Variants in TDRD1 observed in about 807,000 individuals in gnomAD.
TDRD1 encodes the protein tudor domain containing 1.
TDRD1 carries 37 observed loss-of-function variants against 140.6 expected under a neutral mutation model. The ratio of observed to expected loss-of-function variants is 0.26; its 90% CI spans 0.20 to 0.35. The LOEUF (loss-of-function observed/expected upper bound fraction) is 0.35, where lower values mean the gene tolerates loss of function less well. Ranked by LOEUF, TDRD1 falls within the 10% of genes least tolerant of loss-of-function variation. The pLI is 1.00. For missense variants in TDRD1, 1,243 were observed against 1,393.0 expected (o/e 0.89, Z 1.71); for synonymous variants, 506 against 475.7 (o/e 1.06, Z -0.83).
chr10:114,178,878 AAAAAC>A (rs1013446654), upstream of TDRD1, among the ~76,000 whole-genome samples: 1 of 152,248 alleles, frequency 6.6e-6, no homozygotes, highest in African/African-American at 2.4e-5. Context: ...AAAAAAAAAA[AAAAAC>A]AAAACTTAAA....
At chr10:114,204,848 G>A in exon 10 of TDRD1, 1 of 1,596,128 alleles carries the variant, frequency 6.3e-7, no homozygotes. Context: ...CATCTTGGAA[G>A]AGGAAGTGGT....
intron 3 of TDRD1, 133 bp downstream of exon 3, chr10:114,191,152 A>G: frequency 8.1e-6 from 8 of 993,128 alleles, no homozygotes; most frequent in Non-Finnish European, 1.0e-5. Flanking sequence ...TACATTTTTA[A>G]AAAAAGAAAA....
intron 11 of TDRD1, among the ~76,000 whole-genome samples, chr10:114,207,989 G>T (rs148461182): frequency 0.013 from 1,941 of 152,126 alleles, 43 homozygotes; most frequent in African/African-American, 0.044. Flanking sequence ...CCTAAGACTT[G>T]CAATAAAGCC....
At chr10:114,221,503 T>G (rs747617123) in intron 20 of TDRD1, 27 bp downstream of exon 20, 4 of 1,605,690 alleles carry the variant, frequency 2.5e-6, no homozygotes, top group South Asian at 1.1e-5. Context: ...TGAGACATAT[T>G]TATGCTCATC....
At chr10:114,228,867 T>C (rs1182196007) in intron 25 of TDRD1, 2 of 783,976 alleles carry the variant, frequency 2.6e-6, no homozygotes, top group Non-Finnish European at 3.1e-6. Context: ...GCAGATCACC[T>C]GAGCCCAGGC....
At chr10:114,176,247 G>T (rs1202082704), upstream of TDRD1, among the ~76,000 whole-genome samples, 1 of 151,438 alleles carries the variant, frequency 6.6e-6, no homozygotes, top group Non-Finnish European at 1.5e-5. The surrounding 1 kb of genome is among the most constrained non-coding windows in gnomAD (Gnocchi z 4.2). Flanking sequence ...AACACCACCT[G>T]TGAAGTATTC....
chr10:114,231,062 G>A lies in TDRD1; in HGVS notation c.3539-424G>A, dbSNP rs12570258. On this transcript the variant is annotated intron_variant, in intron 25 of 25. Coordinates refer to ENST00000251864, the Ensembl canonical transcript of TDRD1. ...AGCTTGGGCAACAGAGTGAGACCCTGTCTCAAAAAAATAAAATAAAAGACA... is the reference window on the plus strand; with the variant it reads ...AGCTTGGGCAACAGAGTGAGACCCTATCTCAAAAAAATAAAATAAAAGACA... 2.6e-4 allele frequency among the ~76,000 whole-genome samples: 40 copies of A among 152,216 alleles called. No homozygotes were observed. In the East Asian group the frequency reaches 7.5e-3, roughly 29 times the overall value.
At chr10:114,228,909 C>T (rs2036593709) in intron 25 of TDRD1, 1 of 323,804 alleles carries the variant, frequency 3.1e-6, no homozygotes, top group Non-Finnish European at 4.4e-6. Flanking sequence ...GATGGCGAAA[C>T]ACTGCCTCTA....
intron 1 of TDRD1, among the ~76,000 whole-genome samples, chr10:114,186,267 T>G (rs984185474): frequency 6.6e-6 from 1 of 151,666 alleles, no homozygotes; most frequent in Non-Finnish European, 1.5e-5. Flanking sequence ...CCTGGAGTTT[T>G]TTTGTTTGTT....
intron 1 of TDRD1, among the ~76,000 whole-genome samples, chr10:114,183,272 T>G (rs1564929535): frequency 6.6e-6 from 1 of 152,216 alleles, no homozygotes; most frequent in Non-Finnish European, 1.5e-5. Context: ...CTCAGTGTCT[T>G]AAGAAGATGA....
chr10:114,189,851 A>G (rs367631722), intron 2 of TDRD1, among the ~76,000 whole-genome samples: 1 of 152,246 alleles, frequency 6.6e-6, no homozygotes, highest in African/African-American at 2.4e-5. Context: ...CAAATGACCA[A>G]TGCGTGGTAT....
exon 12 of TDRD1, chr10:114,210,666 G>T: frequency 6.2e-7 from 1 of 1,613,012 alleles, no homozygotes; most frequent in Non-Finnish European, 8.5e-7. Flanking sequence ...TGTTAACTTT[G>T]AATGTAGGTG....
chr10:114,179,382 AG>A (rs2032830016), exon 1 of TDRD1: 1 of 152,318 alleles, frequency 6.6e-6, no homozygotes, highest in African/African-American at 2.4e-5. Flanking sequence ...CCGCAGAGAC[AG>A]GTTCGGATCC....
intron 3 of TDRD1, among the ~76,000 whole-genome samples, chr10:114,195,089 T>G (rs1332254491): frequency 2.0e-5 from 3 of 152,166 alleles, no homozygotes. Flanking sequence ...TCTTGAAACT[T>G]CATCTTTAAC....
intron 1 of TDRD1, among the ~76,000 whole-genome samples, chr10:114,183,862 G>A (rs1275454683): frequency 6.6e-6 from 1 of 151,736 alleles, no homozygotes; most frequent in Non-Finnish European, 1.5e-5. Flanking sequence ...CCACTCCTTG[G>A]CCTCCCAAAG....
chr10:114,194,465 G>A (rs1002868005), intron 3 of TDRD1, among the ~76,000 whole-genome samples: 1 of 152,038 alleles, frequency 6.6e-6, no homozygotes, highest in Non-Finnish European at 1.5e-5. Flanking sequence ...AAATTTATGT[G>A]TGGAAGTGTT....
intron 11 of TDRD1, among the ~76,000 whole-genome samples, chr10:114,207,841 A>G (rs2035226600): frequency 6.6e-6 from 1 of 152,012 alleles, no homozygotes; most frequent in South Asian, 2.1e-4. Flanking sequence ...ACTGAGCAAT[A>G]TCTTCTTCGC....
chr10:114,230,137 T>A (rs1410777242), intron 25 of TDRD1, among the ~76,000 whole-genome samples: 3 of 152,274 alleles, frequency 2.0e-5, no homozygotes, highest in South Asian at 2.1e-4. Context: ...GGCCACCAAG[T>A]CATTACATTT....
At chr10:114,219,987 G>T (rs1183948204) in intron 18 of TDRD1, among the ~76,000 whole-genome samples, 1 of 152,130 alleles carries the variant, frequency 6.6e-6, no homozygotes, top group Non-Finnish European at 1.5e-5. Context: ...GTTAATAACT[G>T]CAGATTTTCA....
Sources: gnomAD v4.1 joint callset for allele counts (sites outside exome capture counted in the v4.1 genomes callset) on GRCh38, gnomAD v4.1.1 for gene constraint, Gnocchi (gnomAD v3.1) non-coding constraint, MANE v1.5 for transcripts, NCBI Gene and HGNC (gene_info 2026-07-23, HGNC 2026-07-21) for gene names.